The following CSMD1 variants were observed in gnomAD, a reference collection of about 807,000 sequenced individuals.
CSMD1 encodes CUB and Sushi multiple domains 1, also known as CUB and sushi domain-containing protein 1.
A neutral mutation model predicts 417.5 loss-of-function variants in CSMD1; 213 were observed. The ratio of observed to expected loss-of-function variants is 0.51; its 90% CI spans 0.46 to 0.57. The LOEUF (loss-of-function observed/expected upper bound fraction) is 0.57, where lower values mean the gene tolerates loss of function less well. CSMD1 is among the 20% of genes least tolerant of loss of function. CSMD1 has a pLI of 0.00. For synonymous variants in CSMD1, 2,862 were observed against 1,736.8 expected (o/e 1.65, Z -16.11); for missense variants, 6,923 against 4,529.7 (o/e 1.53, Z -15.17).
At chr8:4,289,737 G>A (rs1433023111) in intron 3 of CSMD1, among the ~76,000 whole-genome samples, 1 of 152,178 alleles carries the variant, frequency 6.6e-6, no homozygotes, top group East Asian at 1.9e-4. Context: ...ACTGGGTAAT[G>A]CATTGTGAAT....
At chr8:4,581,263 G>C (rs1316005127) in intron 2 of CSMD1, among the ~76,000 whole-genome samples, 1 of 152,132 alleles carries the variant, frequency 6.6e-6, no homozygotes, top group East Asian at 1.9e-4. Flanking sequence ...ATTTCAAAAT[G>C]TTTATTTCAT....
chr8:3,189,501 A>C (rs1585603287), intron 34 of CSMD1, among the ~76,000 whole-genome samples: 1 of 152,224 alleles, frequency 6.6e-6, no homozygotes, highest in Non-Finnish European at 1.5e-5. Context: ...GTAAACTATA[A>C]CTAACAAGGT....
In CSMD1 at chr8:3,932,431, C is replaced by G. The variant is rs1378841252; in HGVS notation, c.818+65472G>C. ...TGCATTGACATTTCTCATGGTATTT[C>G]ACTCTCATAACCCAGCCTCAGCACG... On this transcript the variant is annotated intron_variant, in intron 5 of 69. Coordinates refer to ENST00000635120, the MANE Select transcript of CSMD1 (RefSeq NM_033225.6). Among the ~76,000 whole-genome samples the G allele has an allele frequency of 3.3e-5, 5 of 150,260 alleles. 1 individual carries two copies. The highest frequency in any genetic ancestry group is 7.4e-5 in the Non-Finnish European group (5 of 67,504).
At chr8:3,900,928 T>A (rs1251172783) in intron 5 of CSMD1, among the ~76,000 whole-genome samples, 1 of 152,226 alleles carries the variant, frequency 6.6e-6, no homozygotes, top group Non-Finnish European at 1.5e-5. Flanking sequence ...ACACTATGGA[T>A]TATTAAATAC....
At chr8:4,878,912 C>T (rs115292983) in intron 1 of CSMD1, among the ~76,000 whole-genome samples, 3 of 150,382 alleles carry the variant, frequency 2.0e-5, no homozygotes, top group African/African-American at 4.9e-5. Flanking sequence ...GCAGAGAGAA[C>T]GACAAGGTGA....
chr8:3,885,613 G>A (rs567387147), intron 5 of CSMD1, among the ~76,000 whole-genome samples: 133 of 152,246 alleles, frequency 8.7e-4, no homozygotes, highest in Non-Finnish European at 1.6e-3. Context: ...TATGATGAGC[G>A]TCTGCTCCTT....
In CSMD1 at chr8:3,524,645, GCA is replaced by G. The variant is rs372692894; in HGVS notation, c.1345-30921_1345-30920del. On this transcript the variant is annotated intron_variant, in intron 10 of 69. Coordinates refer to ENST00000635120, the MANE Select transcript of CSMD1 (RefSeq NM_033225.6). ...CACATGCACACCCAGAGAGACATGT[GCA>G]CACACACAGACCCATGCAAAAACAC... Among the ~76,000 whole-genome samples, 238 of 143,902 alleles carry G rather than the reference GCA, an allele frequency of 1.7e-3. 1 individual carries two copies. Among genetic ancestry groups the G allele is most frequent in the African/African-American group, 5.8e-3 (223 of 38,148 alleles). 94.4% of individuals were successfully genotyped at this position (143,902 alleles called of 152,430 possible).
chr8:4,191,657 T>C (rs1432146200), intron 3 of CSMD1, among the ~76,000 whole-genome samples: 1 of 151,510 alleles, frequency 6.6e-6, no homozygotes, highest in Non-Finnish European at 1.5e-5. Flanking sequence ...AAAAGCCATA[T>C]GTAAAATTCA....
At chr8:4,411,299 T>G (rs1035049680) in intron 3 of CSMD1, among the ~76,000 whole-genome samples, 5 of 152,208 alleles carry the variant, frequency 3.3e-5, no homozygotes, top group African/African-American at 1.2e-4. Context: ...CTTTACTATA[T>G]TCCTTTTAGA....
At chr8:4,185,329 C>T (rs1052703242) in intron 3 of CSMD1, among the ~76,000 whole-genome samples, 1 of 151,916 alleles carries the variant, frequency 6.6e-6, no homozygotes, top group Non-Finnish European at 1.5e-5. Context: ...AAAAAGGGCT[C>T]ACAATAGTTT....
intron 1 of CSMD1, among the ~76,000 whole-genome samples, chr8:4,814,200 G>C: frequency 6.6e-6 from 1 of 150,438 alleles, no homozygotes; most frequent in South Asian, 2.1e-4. Flanking sequence ...ATGATTTTGT[G>C]TGTGTGTGTG....
intron 3 of CSMD1, among the ~76,000 whole-genome samples, chr8:4,099,093 GT>G (rs1177655033): frequency 6.6e-6 from 1 of 151,726 alleles, no homozygotes; most frequent in East Asian, 1.9e-4. Flanking sequence ...ATTTTCATCT[GT>G]TTTTTTCTTT....
In CSMD1 at chr8:2,965,901, C is replaced by T. The variant is rs753656504; in HGVS notation, c.9154G>A (p.Asp3052Asn). The T allele has an allele frequency of 1.1e-5, 18 of 1,610,114 alleles. No individual in the cohort carries two copies. Among genetic ancestry groups the T allele is most frequent in the Admixed American group, 3.4e-5 (2 of 59,602 alleles). ...CTCACAGTCTTGTTGAAGGTGAAGT[C>T]GGTCCCAAACTGGATGCCATTTGCT... ...TLANGIQFGT[D>N]FTFNKTVSYQ... Residue 3052 changes from aspartate to asparagine, a missense_variant, in exon 59 of 70, where the codon GAC (aspartate) becomes AAC (asparagine). Asp to Asn is a conservative substitution (Grantham distance 23, BLOSUM62 1). Transcript: ENST00000635120.
At chr8:3,326,210 G>C (rs1216611811) in intron 23 of CSMD1, among the ~76,000 whole-genome samples, 1 of 152,194 alleles carries the variant, frequency 6.6e-6, no homozygotes, top group Non-Finnish European at 1.5e-5. Context: ...TGGTCAGTTA[G>C]CAAGGATGAT....
chr8:4,445,377 G>T (rs557500955), intron 2 of CSMD1, among the ~76,000 whole-genome samples: 1 of 152,138 alleles, frequency 6.6e-6, no homozygotes, highest in Non-Finnish European at 1.5e-5. Context: ...CATTTGAGGA[G>T]CTCAACAAAT....
At chr8:4,869,413 C>A (rs1238221424) in intron 1 of CSMD1, among the ~76,000 whole-genome samples, 1 of 152,048 alleles carries the variant, frequency 6.6e-6, no homozygotes, top group Non-Finnish European at 1.5e-5. Context: ...ACTTGACTTT[C>A]ACTTACCAAA....
At chr8:4,308,076 G>C (rs13263341) in intron 3 of CSMD1, among the ~76,000 whole-genome samples, 9,194 of 152,204 alleles carry the variant, frequency 0.06, 356 homozygotes, top group Non-Finnish European at 0.085. Flanking sequence ...ACACACTTTG[G>C]TCTTTATTCG....
intron 3 of CSMD1, among the ~76,000 whole-genome samples, chr8:4,194,813 T>C (rs1008387528): frequency 2.0e-5 from 3 of 152,036 alleles, no homozygotes; most frequent in Non-Finnish European, 4.4e-5. Context: ...CACTATGAGT[T>C]CTGCAAAGAA....
At chr8:4,682,244 G>A (rs1038278623) in intron 1 of CSMD1, among the ~76,000 whole-genome samples, 32 of 152,028 alleles carry the variant, frequency 2.1e-4, no homozygotes, top group African/African-American at 7.7e-4. Context: ...TGCCCAGGCT[G>A]GTCTCAAACT....
Sources: allele counts gnomAD v4.1 joint callset (sites outside exome capture counted in the v4.1 genomes callset), GRCh38; gene constraint gnomAD v4.1.1; transcripts MANE v1.5; gene names NCBI Gene and HGNC (gene_info 2026-07-23, HGNC 2026-07-21).